PAXBP1: variants seen among roughly 807,000 people sequenced by gnomAD.
The protein encoded by PAXBP1 is PAX3- and PAX7-binding protein 1.
PAXBP1 carries 44 observed loss-of-function variants against 119.9 expected under a neutral mutation model. The ratio of observed to expected loss-of-function variants is 0.37; its 90% CI spans 0.29 to 0.47. The LOEUF is 0.47. Among genes scored for constraint, PAXBP1 ranks in the 20% least tolerant of loss-of-function variants. The pLI is 0.99. For synonymous variants in PAXBP1, 393 were observed against 406.6 expected, an observed-to-expected ratio of 0.97 and a Z score of 0.40; for missense variants, 898 against 1,134.1, an observed-to-expected ratio of 0.79 and a Z score of 2.99.
intron 10 of PAXBP1, among the ~76,000 whole-genome samples, chr21:32,750,335 G>C (rs1310035447): frequency 6.6e-6 from 1 of 152,144 alleles, no homozygotes; most frequent in Non-Finnish European, 1.5e-5. Flanking sequence ...CACTGTGCTA[G>C]TCTTTCAAAT....
intron 10 of PAXBP1, 42 bp from the exon 11 acceptor site, chr21:32,748,740 G>A (rs1368282123): frequency 1.3e-6 from 2 of 1,538,324 alleles, no homozygotes; most frequent in South Asian, 1.2e-5. Context: ...ACATTAGTAT[G>A]AAGTAGGAAA....
chr21:32,750,295 T>G (rs1322886111), intron 10 of PAXBP1, among the ~76,000 whole-genome samples: 2 of 152,172 alleles, frequency 1.3e-5, no homozygotes, highest in Admixed American at 1.3e-4. Context: ...TCATAAGCAT[T>G]GTTATCTGAG....
At chr21:32,743,457 T>C (rs760769865) in intron 14 of PAXBP1, 143 bp from the exon 15 acceptor site, 1 of 705,680 alleles carries the variant, frequency 1.4e-6, no homozygotes, top group Non-Finnish European at 2.3e-6. Flanking sequence ...TGGAAGATAG[T>C]ATGTTAAAAA....
chr21:32,758,644 T>TAAAAAAAAAAAAAAAAAAAAAAAAAAAAA (rs138934420), intron 7 of PAXBP1, among the ~76,000 whole-genome samples: 2 of 104,108 alleles, frequency 1.9e-5, no homozygotes, highest in Non-Finnish European at 3.9e-5. Context: ...TCATCCAGGG[T>TAAAAAAAAAAAAAAAAAAAAAAAAAAAAA]AAAAAAAAAA....
intron 7 of PAXBP1, among the ~76,000 whole-genome samples, chr21:32,758,737 C>A (rs1427782825): frequency 1.3e-5 from 2 of 150,310 alleles, no homozygotes; most frequent in African/African-American, 4.9e-5. Context: ...TAAGTTTAAA[C>A]CTGAACCAGA....
At chr21:32,748,791 G>T (rs1188525779) in intron 10 of PAXBP1, 93 bp from the exon 11 acceptor site, 3 of 1,126,532 alleles carry the variant, frequency 2.7e-6, no homozygotes, top group East Asian at 2.5e-5. Flanking sequence ...TGTAGCTTCA[G>T]TATCAGAAGA....
At chr21:32,769,179 C>T (rs1333653174) in intron 2 of PAXBP1, among the ~76,000 whole-genome samples, 4 of 152,126 alleles carry the variant, frequency 2.6e-5, no homozygotes, top group Non-Finnish European at 5.9e-5. Context: ...AATAAAATAG[C>T]ATTTGCAGGA....
chr21:32,766,787 C>G (rs2044248795), intron 2 of PAXBP1, among the ~76,000 whole-genome samples: 1 of 152,224 alleles, frequency 6.6e-6, no homozygotes, highest in Non-Finnish European at 1.5e-5. Context: ...GGCACTGGGT[C>G]TGGCTGGTGG....
intron 2 of PAXBP1, among the ~76,000 whole-genome samples, chr21:32,766,473 C>T (rs1479821231): frequency 1.3e-5 from 2 of 152,122 alleles, no homozygotes; most frequent in African/African-American, 4.8e-5. Context: ...TCACCTTAAA[C>T]CTGGTCAGGC....
At chr21:32,758,429 G>C (rs1043208966) in intron 7 of PAXBP1, among the ~76,000 whole-genome samples, 7 of 151,158 alleles carry the variant, frequency 4.6e-5, no homozygotes, top group African/African-American at 7.3e-5. Context: ...GGTCATTTGA[G>C]AAACTAGCTG....
chr21:32,762,973 A>G (rs2044175578), intron 3 of PAXBP1, among the ~76,000 whole-genome samples: 1 of 152,070 alleles, frequency 6.6e-6, no homozygotes, highest in South Asian at 2.1e-4. Context: ...AGATAAAAAT[A>G]ATATAATCTC....
intron 15 of PAXBP1, among the ~76,000 whole-genome samples, chr21:32,741,182 C>T (rs2043778222): frequency 6.6e-6 from 1 of 152,114 alleles, no homozygotes; most frequent in Non-Finnish European, 1.5e-5. Flanking sequence ...CTGTTTCACC[C>T]AAATGAAATG....
chr21:32,769,893 T>A lies in PAXBP1; in HGVS notation c.393A>T (p.Ile131=). 6.3e-7 allele frequency: 1 copy of A among 1,584,038 alleles called. No individual in the cohort carries two copies. The highest frequency in any genetic ancestry group is 8.6e-7 in the Non-Finnish European group (1 of 1,164,290). ...TATATTCCTTCTTGAGCAATTTTAC[T>A]ATCTTTTTGCTATAACTTGATTTCT... The part of the protein sequence containing the change: ...KVKKSSYSKK[I]VKLLKKEYKE... Residue 131 remains isoleucine (I), a synonymous_variant, in exon 2 of 18, where the codon ATA becomes ATT. Coordinates refer to ENST00000331923, the MANE Select transcript of PAXBP1 (RefSeq NM_016631.4).
intron 10 of PAXBP1, among the ~76,000 whole-genome samples, chr21:32,749,230 TGTCACCCAGGC>T (rs2043921849): frequency 6.6e-6 from 1 of 151,900 alleles, no homozygotes; most frequent in African/African-American, 2.4e-5. Flanking sequence ...ATTCTCACTC[TGTCACCCAGGC>T]TGGAGTGAAG....
chr21:32,753,367 G>A (rs562512755), intron 8 of PAXBP1, among the ~76,000 whole-genome samples: 7 of 150,500 alleles, frequency 4.7e-5, no homozygotes, highest in Admixed American at 2.6e-4. Context: ...CGGAGGTGGC[G>A]GTGAGCCGAG....
chr21:32,771,702 T>A lies in PAXBP1; in HGVS notation c.-34A>T. 1 of 1,352,720 alleles carries A rather than the reference T, an allele frequency of 7.4e-7. No homozygotes were observed. The highest frequency in any genetic ancestry group is 9.5e-7 in the Non-Finnish European group (1 of 1,053,092). The allele number at this position is 1,352,720 out of a possible 1,614,324, so 83.8% of individuals were successfully genotyped here. A position where few individuals can be genotyped will look rare whatever the true frequency, so the allele number is the denominator to read the frequency against. On this transcript the variant is annotated 5_prime_UTR_variant, in exon 1 of 18. Coordinates refer to ENST00000331923, the MANE Select transcript of PAXBP1 (RefSeq NM_016631.4). ...CCCGCACGGCGGTCGAATACTCGCTTCCACACCGCGGCCCCGGCAGCGCCG... is the reference window on the plus strand; with the variant it reads ...CCCGCACGGCGGTCGAATACTCGCTACCACACCGCGGCCCCGGCAGCGCCG...
Position 32,771,551 on chromosome 21 carries a change from C to T in PAXBP1, c.118G>A (p.Glu40Lys). 2.8e-6 allele frequency: 4 copies of T among 1,406,028 alleles called. No homozygotes were observed. The highest frequency in any genetic ancestry group is 6.1e-5 in the East Asian group (2 of 32,814). 87.1% of individuals were successfully genotyped at this position (1,406,028 alleles called of 1,614,324 possible). The change falls in exon 1 of 18, where the codon GAA becomes AAA. Residue 40 changes from glutamate to lysine, a missense_variant. This residue lies in a region of PAXBP1 where 299 missense variants were observed against 281.4 expected (regional missense o/e 1.06). Coordinates refer to ENST00000331923, the MANE Select transcript of PAXBP1 (RefSeq NM_016631.4). ...TCGCCGCCACCGGGGCCCGCCTCTT[C>T]GCCCGTGCCCGGCGGCGGCAACAAC... ...PPLLPPPGTG[E>K]EAGPGGGDRA... is the part of the protein sequence containing the mutation.
chr21:32,749,446 G>A (rs543128893), intron 10 of PAXBP1, among the ~76,000 whole-genome samples: 65 of 152,010 alleles, frequency 4.3e-4, no homozygotes, highest in Non-Finnish European at 7.9e-4. Context: ...CCGCTGCCTC[G>A]GCCTCCCAAA....
intron 3 of PAXBP1, 102 bp from the exon 4 acceptor site, chr21:32,762,419 G>T: frequency 6.9e-7 from 1 of 1,441,576 alleles, no homozygotes; most frequent in Non-Finnish European, 9.1e-7. Context: ...TCATCACAGT[G>T]ATGTTTCAGC....
Sources: gnomAD v4.1 joint callset for allele counts (sites outside exome capture counted in the v4.1 genomes callset) on GRCh38, gnomAD v4.1.1 for gene constraint, gnomAD v4.1.1 regional missense constraint, MANE v1.5 for transcripts, NCBI Gene and HGNC (gene_info 2026-07-23, HGNC 2026-07-21) for gene names.